MACROD2: variants seen among roughly 807,000 people sequenced by gnomAD.
The protein encoded by MACROD2 is ADP-ribose glycohydrolase MACROD2.
Under a neutral mutation model 70.4 loss-of-function variants are expected in MACROD2, and 36 were observed. The observed-to-expected ratio is 0.51, with a 90% CI of 0.39 to 0.68. The LOEUF (loss-of-function observed/expected upper bound fraction) is 0.68. Among genes scored for constraint, MACROD2 ranks in the 30% least tolerant of loss-of-function variants. The pLI is 0.00. For synonymous variants in MACROD2, 172 were observed against 178.8 expected (o/e 0.96, Z 0.30); for missense variants, 496 against 538.4 (o/e 0.92, Z 0.78).
rs888945953 is a variant in MACROD2, at chr20:15,834,137, G to A, written c.646-28608G>A. On this transcript the variant is annotated intron_variant, in intron 8 of 17. Transcript: ENST00000684519. The stretch of plus-strand genomic sequence containing the variant: ...AGTTAAATTAGATTTTGCCTTCACC[G>A]CTTACTATAAAGCATACAGAATTAC... Among the ~76,000 whole-genome samples the A allele has an allele frequency of 3.3e-5, 5 of 152,168 alleles. No individual in the cohort carries two copies. The East Asian group carries it at 9.7e-4, about 29-fold the overall frequency.
intron 8 of MACROD2, among the ~76,000 whole-genome samples, chr20:15,721,649 A>G (rs1003404349): frequency 7.2e-5 from 11 of 152,160 alleles, no homozygotes; most frequent in Non-Finnish European, 1.6e-4. Flanking sequence ...CACAAATGAG[A>G]ATGATTTTAT....
At chr20:15,025,355 G>A (rs1453497236) in intron 5 of MACROD2, among the ~76,000 whole-genome samples, 3 of 152,042 alleles carry the variant, frequency 2.0e-5, no homozygotes, top group Non-Finnish European at 4.4e-5. Flanking sequence ...TTCAGAAGAG[G>A]CAGCTCTGAT....
intron 6 of MACROD2, among the ~76,000 whole-genome samples, chr20:15,296,435 T>C (rs1384483251): frequency 1.3e-5 from 2 of 152,212 alleles, no homozygotes; most frequent in Non-Finnish European, 2.9e-5. Context: ...AGAATTGTTC[T>C]CCATACTTCT....
intron 8 of MACROD2, among the ~76,000 whole-genome samples, chr20:15,687,055 A>C (rs1445188682): frequency 2.0e-5 from 3 of 147,904 alleles, no homozygotes; most frequent in Non-Finnish European, 4.5e-5. Flanking sequence ...AAGAAAATCT[A>C]ACCAACCCCA....
intron 4 of MACROD2, among the ~76,000 whole-genome samples, chr20:14,545,333 TC>T (rs2085480283): frequency 6.6e-6 from 1 of 152,164 alleles, no homozygotes; most frequent in African/African-American, 2.4e-5. Context: ...CAGTTTTCAT[TC>T]CTCTGAACTC....
intron 6 of MACROD2, among the ~76,000 whole-genome samples, chr20:15,310,834 G>C (rs1029512617): frequency 2.6e-5 from 4 of 152,108 alleles, no homozygotes; most frequent in Non-Finnish European, 5.9e-5. Flanking sequence ...CATCCAAACA[G>C]GAAGATCAAC....
At chr20:15,263,356 T>C (rs766276976) in intron 6 of MACROD2, among the ~76,000 whole-genome samples, 8 of 152,056 alleles carry the variant, frequency 5.3e-5, no homozygotes, top group Non-Finnish European at 5.9e-5. Context: ...TATAGATTTG[T>C]TTTTGGTTCT....
At chr20:14,307,644 T>A (rs748680533) in intron 3 of MACROD2, among the ~76,000 whole-genome samples, 15 of 152,080 alleles carry the variant, frequency 9.9e-5, no homozygotes, top group Admixed American at 2.0e-4. Context: ...GACACTCCAT[T>A]TAGTAAGCCC....
intron 6 of MACROD2, among the ~76,000 whole-genome samples, chr20:15,415,926 C>A (rs1433433229): frequency 6.6e-6 from 1 of 152,196 alleles, no homozygotes; most frequent in Non-Finnish European, 1.5e-5. Flanking sequence ...AAAACCAAAT[C>A]TTCTCATCTT....
intron 3 of MACROD2, among the ~76,000 whole-genome samples, chr20:14,093,979 T>A (rs890597488): frequency 7.4e-6 from 1 of 136,036 alleles, no homozygotes; most frequent in Non-Finnish European, 1.6e-5. Flanking sequence ...AGGGCTGAGG[T>A]TTTTTTTTTT....
At chr20:14,353,907 C>T (rs2083147813) in intron 3 of MACROD2, among the ~76,000 whole-genome samples, 1 of 152,000 alleles carries the variant, frequency 6.6e-6, no homozygotes, top group South Asian at 2.1e-4. Flanking sequence ...TAAAAAATAT[C>T]ATCAGGAGGA....
chr20:15,554,317 G>T (rs1323780226), intron 8 of MACROD2, among the ~76,000 whole-genome samples: 2 of 152,158 alleles, frequency 1.3e-5, no homozygotes, highest in Non-Finnish European at 2.9e-5. Flanking sequence ...AAGGAAGGCA[G>T]TTTTGGCAGA....
At chr20:14,198,958 A>G (rs2081456409) in intron 3 of MACROD2, among the ~76,000 whole-genome samples, 1 of 151,842 alleles carries the variant, frequency 6.6e-6, no homozygotes, top group Non-Finnish European at 1.5e-5. Context: ...TTTCTCTCTT[A>G]CCTTCTCGCC....
chr20:14,675,901 T>C (rs936059617), intron 4 of MACROD2, among the ~76,000 whole-genome samples: 3 of 152,074 alleles, frequency 2.0e-5, no homozygotes, highest in Admixed American at 6.6e-5. Context: ...GTTGCAATCC[T>C]AGTCTCTGAT....
chr20:14,893,414 A>G (rs1488104272), intron 5 of MACROD2: 3 of 152,156 alleles, frequency 2.0e-5, no homozygotes, highest in Non-Finnish European at 4.4e-5. Flanking sequence ...TACATTCCCA[A>G]TAACAATGTA....
chr20:15,200,726 A>G (rs1051291198), intron 5 of MACROD2, among the ~76,000 whole-genome samples: 2 of 152,204 alleles, frequency 1.3e-5, no homozygotes, highest in Admixed American at 1.3e-4. Context: ...TCTAACTGGT[A>G]TTTGTTTAAG....
chr20:16,006,163 C>G (rs1269691416), intron 15 of MACROD2, among the ~76,000 whole-genome samples: 1 of 152,164 alleles, frequency 6.6e-6, no homozygotes, highest in African/African-American at 2.4e-5. Flanking sequence ...TTTAAATTCT[C>G]AGAATATTCA....
At chr20:14,122,104 G>T (rs926491715) in intron 3 of MACROD2, among the ~76,000 whole-genome samples, 2 of 152,094 alleles carry the variant, frequency 1.3e-5, no homozygotes, top group Non-Finnish European at 2.9e-5. Flanking sequence ...GTTGGTGAAG[G>T]TTCTAAACCT....
intron 5 of MACROD2, among the ~76,000 whole-genome samples, chr20:15,225,531 C>T (rs2076898251): frequency 1.3e-5 from 2 of 152,130 alleles, no homozygotes; most frequent in Non-Finnish European, 2.9e-5. Context: ...GCTAGTTTAT[C>T]CTTCCAGAGA....
Sources: allele counts gnomAD v4.1 joint callset (sites outside exome capture counted in the v4.1 genomes callset), GRCh38; gene constraint gnomAD v4.1.1; transcripts MANE v1.5; gene names NCBI Gene and HGNC (gene_info 2026-07-23, HGNC 2026-07-21).